Variants in PTCSC3 observed in about 807,000 individuals in gnomAD.
PTCSC3 encodes papillary thyroid carcinoma susceptibility candidate 3 (non-protein coding).
chr14:36,171,949 A>C (rs924559565), intron 1 of PTCSC3, among the ~76,000 whole-genome samples: 5 of 152,164 alleles, frequency 3.3e-5, no homozygotes, highest in Non-Finnish European at 1.5e-5. Flanking sequence ...CTTTCTCTCC[A>C]ACTAGAAGCA....
At chr14:36,175,871 A>G (rs769667191) in intron 1 of PTCSC3, among the ~76,000 whole-genome samples, 3 of 152,224 alleles carry the variant, frequency 2.0e-5, no homozygotes, top group Non-Finnish European at 2.9e-5. Context: ...GTTTTCTTCC[A>G]GAATTAAACA....
rs375725551 is a variant in PTCSC3, at chr14:36,161,002, A to G, written n.231+1622T>C. Among the ~76,000 whole-genome samples, 3 of 151,550 alleles carry G rather than the reference A, an allele frequency of 2.0e-5. No homozygotes were observed. The East Asian group carries it at 5.8e-4, about 29-fold the overall frequency. ...CTTCAATCTGTGATATCTTTCTTCCACTTGATTCAGCTATTGATACTTGTG... is the reference window on the plus strand; with the variant it reads ...CTTCAATCTGTGATATCTTTCTTCCGCTTGATTCAGCTATTGATACTTGTG... On this transcript the variant is annotated intron_variant and non_coding_transcript_variant, in intron 2 of 3. Coordinates refer to ENST00000556013, the Ensembl canonical transcript of PTCSC3.
intron 3 of PTCSC3, among the ~76,000 whole-genome samples, chr14:36,137,857 G>T (rs1287672081): frequency 6.6e-6 from 1 of 152,158 alleles, no homozygotes; most frequent in African/African-American, 2.4e-5. Flanking sequence ...CATGCAAGTG[G>T]AGATGATGAG....
At chr14:36,152,403 T>C (rs1881743207) in intron 3 of PTCSC3, among the ~76,000 whole-genome samples, 1 of 152,060 alleles carries the variant, frequency 6.6e-6, no homozygotes. Flanking sequence ...TACAGTGTGC[T>C]ACAATTGCAC....
intron 3 of PTCSC3, among the ~76,000 whole-genome samples, chr14:36,138,111 G>T (rs1306316554): frequency 6.6e-6 from 1 of 152,070 alleles, no homozygotes; most frequent in Non-Finnish European, 1.5e-5. Context: ...AAAAACCAAG[G>T]TAATTCAAAT....
intron 3 of PTCSC3, among the ~76,000 whole-genome samples, chr14:36,150,237 G>T (rs956719293): frequency 2.6e-5 from 4 of 152,138 alleles, no homozygotes; most frequent in African/African-American, 4.8e-5. Context: ...GTATTAGGAG[G>T]TGGGACTTTT....
intron 2 of PTCSC3, among the ~76,000 whole-genome samples, chr14:36,156,935 A>G (rs1325439127): frequency 1.3e-5 from 2 of 152,100 alleles, no homozygotes; most frequent in Non-Finnish European, 1.5e-5. Flanking sequence ...ACCCAGTAAT[A>G]GGATTGCTGG....
intron 3 of PTCSC3, among the ~76,000 whole-genome samples, chr14:36,141,978 G>C (rs922538447): frequency 2.0e-5 from 3 of 152,132 alleles, no homozygotes; most frequent in Non-Finnish European, 2.9e-5. Flanking sequence ...AACAAAGACA[G>C]TTTTATTTGT....
At chr14:36,170,577 T>G (rs1882173051) in intron 1 of PTCSC3, among the ~76,000 whole-genome samples, 1 of 152,154 alleles carries the variant, frequency 6.6e-6, no homozygotes, top group South Asian at 2.1e-4. Context: ...ATGTTGTGTG[T>G]GCCCAGCATA....
intron 2 of PTCSC3, among the ~76,000 whole-genome samples, chr14:36,159,348 A>AT (rs777347329): frequency 6.6e-6 from 1 of 151,638 alleles, no homozygotes; most frequent in Admixed American, 6.6e-5. Context: ...TAGGGTGTTG[A>AT]TTTTAGATCT....
At chr14:36,147,919 C>A (rs992897619) in intron 3 of PTCSC3, among the ~76,000 whole-genome samples, 3 of 151,968 alleles carry the variant, frequency 2.0e-5, no homozygotes, top group Non-Finnish European at 2.9e-5. Context: ...GAATACCCTG[C>A]CGTGTGAGGT....
rs888952845 is a variant in PTCSC3 at position 36,162,278 on chromosome 14, A to C, written n.231+346T>G. On this transcript the variant is annotated intron_variant and non_coding_transcript_variant, in intron 2 of 3. Transcript: ENST00000556013. ...GTATGGAAAAAAAAAAAAAAAAAAA[A>C]AAAAAAACTCCTGCAGCCAGCTCAG... Among the ~76,000 whole-genome samples, 26 of 110,446 alleles carry C rather than the reference A, an allele frequency of 2.4e-4. 1 individual carries two copies. In the South Asian group the frequency reaches 3.5e-3, roughly 15 times the overall value. The allele number at this position is 110,446 out of a possible 152,430, so 72.5% of individuals were successfully genotyped here. A position where few individuals can be genotyped will look rare whatever the true frequency, so the allele number is the denominator to read the frequency against.
chr14:36,148,759 A>G (rs1594448026), intron 3 of PTCSC3, among the ~76,000 whole-genome samples: 1 of 152,002 alleles, frequency 6.6e-6, no homozygotes, highest in South Asian at 2.1e-4. Context: ...GTTTTTATAG[A>G]TCTTTTGAGG....
At chr14:36,151,370 A>G (rs1386954534) in intron 3 of PTCSC3, among the ~76,000 whole-genome samples, 2 of 151,080 alleles carry the variant, frequency 1.3e-5, no homozygotes, top group Non-Finnish European at 2.9e-5. Flanking sequence ...AATTTTGGGT[A>G]TTCGTTCCCT....
In PTCSC3 at chr14:36,152,261, T is replaced by G. The variant is rs562041872; in HGVS notation, n.322+1543A>C. On this transcript the variant is annotated intron_variant and non_coding_transcript_variant, in intron 3 of 3. Coordinates refer to ENST00000556013, the Ensembl canonical transcript of PTCSC3. ...AGAAAAAAATGAATAAATTGGACTTTATTAAAATAAAAAAAAAACTTTTTT... is the reference window on the plus strand; with the variant it reads ...AGAAAAAAATGAATAAATTGGACTTGATTAAAATAAAAAAAAAACTTTTTT... 3.3e-4 allele frequency among the ~76,000 whole-genome samples: 50 copies of G among 152,226 alleles called. 1 individual carries two copies. Among genetic ancestry groups the G allele is most frequent in the Middle Eastern group, 3.4e-3 (1 of 294 alleles).
intron 3 of PTCSC3, among the ~76,000 whole-genome samples, chr14:36,139,746 CT>C (rs1335063711): frequency 2.0e-5 from 3 of 152,072 alleles, no homozygotes; most frequent in Non-Finnish European, 4.4e-5. Context: ...CCTATATATC[CT>C]CCCTTCCCCA....
intron 3 of PTCSC3, among the ~76,000 whole-genome samples, chr14:36,152,513 T>C (rs958930772): frequency 2.6e-5 from 4 of 152,046 alleles, no homozygotes; most frequent in Non-Finnish European, 5.9e-5. Flanking sequence ...TAGGTAAAGA[T>C]ATTCACAATA....
At chr14:36,139,690 G>A (rs560543578) in intron 3 of PTCSC3, among the ~76,000 whole-genome samples, 2 of 152,234 alleles carry the variant, frequency 1.3e-5, no homozygotes, top group Admixed American at 6.5e-5. Context: ...ATATTTTAGA[G>A]CTAAAACTTA....
At chr14:36,154,314 C>G (rs183965877) in intron 2 of PTCSC3, among the ~76,000 whole-genome samples, 1 of 151,968 alleles carries the variant, frequency 6.6e-6, no homozygotes, top group Admixed American at 6.6e-5. Flanking sequence ...AACTTATGTA[C>G]ATTATTACTT....
Sources: allele counts gnomAD v4.1 joint callset (sites outside exome capture counted in the v4.1 genomes callset), GRCh38; gene constraint gnomAD v4.1.1; transcripts MANE v1.5; gene names NCBI Gene and HGNC (gene_info 2026-07-23, HGNC 2026-07-21).